NEDD4: variants seen among roughly 807,000 people sequenced by gnomAD.
The protein encoded by NEDD4 is E3 ubiquitin-protein ligase NEDD4.
In NEDD4, 99 loss-of-function variants were observed where a neutral mutation model predicts 144.9. That is an observed-to-expected ratio of 0.68 (90% CI 0.58 to 0.81). The LOEUF is 0.81. NEDD4 is among the 30% of genes least tolerant of loss of function. NEDD4 has a pLI of 0.00. For missense variants in NEDD4, 985 were observed against 1,065.9 expected (o/e 0.92, Z 1.06); for synonymous variants, 318 against 350.6 (o/e 0.91, Z 1.04).
Position 55,869,638 on chromosome 15 carries a change from A to G in NEDD4, c.448T>C (p.Tyr150His), listed in dbSNP as rs1412700654. ...TCTGAGCCACTGGTTTTAGGTAAAT[A>G]AGTCATTTTTAGTCTCAGATAACCT... is the stretch of plus-strand genomic sequence containing the variant. The part of the protein sequence containing the change: ...VKGYLRLKMT[Y>H]LPKTSGSEDD... The change falls in exon 8 of 29, where the codon TAT (tyrosine) becomes CAT (histidine). Residue 150 changes from tyrosine to histidine, a missense_variant. Physicochemically the swap from Tyr to His is moderately conservative, Grantham distance 83 (BLOSUM62 2). Coordinates refer to ENST00000435532, the MANE Select transcript of NEDD4 (RefSeq NM_006154.4). 6.3e-7 allele frequency: 1 copy of G among 1,580,870 alleles called. No individual in the cohort carries two copies. Among genetic ancestry groups the G allele is most frequent in the Non-Finnish European group, 8.6e-7 (1 of 1,161,250 alleles).
At chr15:55,851,245 A>G (rs1171543491) in intron 13 of NEDD4, among the ~76,000 whole-genome samples, 3 of 152,232 alleles carry the variant, frequency 2.0e-5, no homozygotes, top group Non-Finnish European at 4.4e-5. Flanking sequence ...TTGAAATGCA[A>G]TATATTCATG....
chr15:55,916,621 T>G, intron 5 of NEDD4: 2 of 1,614,052 alleles, frequency 1.2e-6, no homozygotes, highest in Non-Finnish European at 1.7e-6. Context: ...ACAGATGATC[T>G]TTCTTGAGAC....
rs116220048 is a variant in NEDD4 at position 55,854,650 on chromosome 15, C to T, written c.1026+1481G>A. 6.8e-3 allele frequency among the ~76,000 whole-genome samples: 1,034 copies of T among 152,172 alleles called. 7 individuals carry two copies. The highest frequency in any genetic ancestry group is 0.024 in the African/African-American group (989 of 41,508). On this transcript the variant is annotated intron_variant, in intron 12 of 28. Coordinates refer to ENST00000435532, the MANE Select transcript of NEDD4 (RefSeq NM_006154.4). Reference sequence around the variant, plus strand: ...GGATTGAGGGAACTTTTGGGGGTGACAGAAGTTTCTTAAACTTGATTGTGG... The same window carrying T: ...GGATTGAGGGAACTTTTGGGGGTGATAGAAGTTTCTTAAACTTGATTGTGG...
Position 55,852,396 on chromosome 15 carries a change from G to A in NEDD4, c.1146+28C>T, listed in dbSNP as rs557482206. On this transcript the variant is annotated intron_variant, in intron 13 of 28. Transcript: ENST00000435532. Reference sequence around the variant, plus strand: ...GGATGTGACAGTTTAAATCCTGTAAGAAAGCAAGTTGATAGATTACAGGAT... The same window carrying A: ...GGATGTGACAGTTTAAATCCTGTAAAAAAGCAAGTTGATAGATTACAGGAT... 58 of 1,594,974 alleles carry A rather than the reference G, an allele frequency of 3.6e-5. No homozygotes were observed. The East Asian group carries it at 1.2e-3, about 33-fold the overall frequency.
intron 13 of NEDD4, 68 bp downstream of exon 13, chr15:55,852,356 T>C (rs1566910424): frequency 6.6e-7 from 1 of 1,519,244 alleles, no homozygotes; most frequent in African/African-American, 1.4e-5. Flanking sequence ...CAAAGTGATG[T>C]AATAGTTTAC....
intron 5 of NEDD4, among the ~76,000 whole-genome samples, chr15:55,890,514 G>T (rs1422712914): frequency 6.6e-6 from 1 of 152,168 alleles, no homozygotes; most frequent in Non-Finnish European, 1.5e-5. Flanking sequence ...CATCCATACT[G>T]TAACATTCCT....
At chr15:55,985,754 T>TAC (rs1271882601) in intron 1 of NEDD4, among the ~76,000 whole-genome samples, 10 of 111,638 alleles carry the variant, frequency 9.0e-5, no homozygotes, top group South Asian at 5.8e-4. Flanking sequence ...GTGTGTAGAG[T>TAC]ACACATACAC....
intron 9 of NEDD4, among the ~76,000 whole-genome samples, chr15:55,862,247 G>A (rs1197138050): frequency 6.6e-6 from 1 of 152,036 alleles, no homozygotes; most frequent in African/African-American, 2.4e-5. Context: ...AAAAAATTAC[G>A]AGTATGTTTC....
intron 1 of NEDD4, among the ~76,000 whole-genome samples, chr15:55,970,810 G>T (rs1188206548): frequency 6.6e-6 from 1 of 152,178 alleles, no homozygotes; most frequent in Non-Finnish European, 1.5e-5. Flanking sequence ...GCCTTCTCAA[G>T]AAGGATGGGT....
chr15:55,983,942 C>G (rs2037848655), intron 1 of NEDD4, among the ~76,000 whole-genome samples: 1 of 152,054 alleles, frequency 6.6e-6, no homozygotes, highest in Non-Finnish European at 1.5e-5. Context: ...ACACTGTTTT[C>G]CTTAATAACA....
At chr15:55,944,727 T>A (rs1346597382) in intron 4 of NEDD4, among the ~76,000 whole-genome samples, 2 of 152,162 alleles carry the variant, frequency 1.3e-5, no homozygotes, top group Admixed American at 6.5e-5. Flanking sequence ...GGGAGACACT[T>A]CCCAGTAGGG....
chr15:55,856,058 C>A, intron 12 of NEDD4, 73 bp downstream of exon 12: 1 of 1,345,330 alleles, frequency 7.4e-7, no homozygotes, highest in South Asian at 1.2e-5. Flanking sequence ...CGTTCACACT[C>A]AATCTTCCAA....
At chr15:55,991,836 G>T (rs2037993469) in intron 1 of NEDD4, 1 of 152,224 alleles carries the variant, frequency 6.6e-6, no homozygotes, top group Non-Finnish European at 1.5e-5. Context: ...GGGCAGAGGG[G>T]TGATGATTGA....
intron 8 of NEDD4, among the ~76,000 whole-genome samples, chr15:55,868,943 C>T (rs1164836591): frequency 6.6e-6 from 1 of 152,130 alleles, no homozygotes; most frequent in African/African-American, 2.4e-5. Context: ...TCTGGCTAGA[C>T]AGAGTGTGCA....
At chr15:55,842,271 T>C in intron 18 of NEDD4, 108 bp from the exon 19 acceptor site, 1 of 885,994 alleles carries the variant, frequency 1.1e-6, no homozygotes, top group Non-Finnish European at 1.7e-6. Flanking sequence ...CCAAGTCTCT[T>C]TTTCCTTACG....
In NEDD4 at chr15:55,904,602, G is replaced by A. The variant is rs149233897; in HGVS notation, c.291+20044C>T. 5.0e-3 allele frequency among the ~76,000 whole-genome samples: 754 copies of A among 152,102 alleles called. 9 individuals are homozygous for A. The highest frequency in any genetic ancestry group is 0.017 in the African/African-American group (704 of 41,500). ...ACAGGTGTGAGCCACCACACCCGGC[G>A]TATTTCCATACACATTTTAAACAGG... On this transcript the variant is annotated intron_variant, in intron 5 of 28. Coordinates refer to ENST00000435532, the MANE Select transcript of NEDD4 (RefSeq NM_006154.4).
intron 4 of NEDD4, among the ~76,000 whole-genome samples, chr15:55,928,781 T>C (rs541980364): frequency 6.6e-6 from 1 of 152,336 alleles, no homozygotes; most frequent in East Asian, 1.9e-4. Flanking sequence ...TTAAAGTTAA[T>C]TTGGCATATG....
chr15:55,932,484 G>A (rs1195441581), intron 4 of NEDD4, among the ~76,000 whole-genome samples: 4 of 152,118 alleles, frequency 2.6e-5, no homozygotes, highest in African/African-American at 9.7e-5. Flanking sequence ...AGCTGAAACT[G>A]GATCCCTTCC....
At chr15:55,831,571 C>T (rs536696712) in intron 27 of NEDD4, among the ~76,000 whole-genome samples, 1 of 152,240 alleles carries the variant, frequency 6.6e-6, no homozygotes, top group African/African-American at 2.4e-5. Context: ...CTATCAAGTC[C>T]AATTAGGCAA....
Sources: allele counts gnomAD v4.1 joint callset (sites outside exome capture counted in the v4.1 genomes callset), GRCh38; gene constraint gnomAD v4.1.1; transcripts MANE v1.5; gene names NCBI Gene and HGNC (gene_info 2026-07-23, HGNC 2026-07-21).